Variants in PPARGC1A observed in about 807,000 individuals in gnomAD.
The protein encoded by PPARGC1A is PPARG coactivator 1 alpha.
A neutral mutation model predicts 88.7 loss-of-function variants in PPARGC1A; 25 were observed. The observed-to-expected ratio is 0.28, with a 90% CI of 0.21 to 0.39. PPARGC1A has a LOEUF of 0.39. PPARGC1A is among the 10% of genes least tolerant of loss of function. The pLI, the probability that PPARGC1A is intolerant of heterozygous loss-of-function variation, is 1.00. For missense variants in PPARGC1A, 880 were observed against 968.7 expected (o/e 0.91, Z 1.22); for synonymous variants, 363 against 355.6 (o/e 1.02, Z -0.24).
At chr4:24,251,061 A>T in the PPARGC1A span, among the ~76,000 whole-genome samples, 1 of 152,228 alleles carries the variant, frequency 6.6e-6, no homozygotes, top group Non-Finnish European at 1.5e-5. Flanking sequence ...GTTACTTTTT[A>T]AAACTTTACT....
chr4:24,280,907 G>T, the PPARGC1A span, among the ~76,000 whole-genome samples: 3 of 152,204 alleles, frequency 2.0e-5, no homozygotes, highest in African/African-American at 7.2e-5. Flanking sequence ...CTGGCATGTG[G>T]CAGTCCATGT....
the PPARGC1A span, among the ~76,000 whole-genome samples, chr4:24,338,414 C>T: frequency 6.6e-6 from 1 of 152,218 alleles, no homozygotes; most frequent in South Asian, 2.1e-4. Context: ...TGAAAAAGAA[C>T]ACAACATCAA....
At chr4:23,834,921 A>G (rs1384293879) in intron 2 of PPARGC1A, among the ~76,000 whole-genome samples, 1 of 152,230 alleles carries the variant, frequency 6.6e-6, no homozygotes, top group Non-Finnish European at 1.5e-5. Context: ...TTACACCATT[A>G]TAACTATCTC....
Position 23,828,384 on chromosome 4 carries a change from T to G in PPARGC1A, c.757+16A>C, listed in dbSNP as rs768485322. 3.7e-6 allele frequency: 6 copies of G among 1,606,860 alleles called. No individual in the cohort carries two copies. The African/African-American group carries it at 8.0e-5, about 21-fold the overall frequency. ...CCAGTGCCCTCACCAACAGCTCGTT[T>G]TGGTCCCCAGCCTACCTTGTAAGTG... On this transcript the variant is annotated intron_variant, in intron 5 of 12. Coordinates refer to ENST00000264867, the MANE Select transcript of PPARGC1A (RefSeq NM_013261.5).
the PPARGC1A span, among the ~76,000 whole-genome samples, chr4:24,139,866 T>G: frequency 6.6e-6 from 1 of 152,202 alleles, no homozygotes; most frequent in Non-Finnish European, 1.5e-5. Context: ...AAAGCTCTAG[T>G]CCATTACGGC....
intron 12 of PPARGC1A, 23 bp downstream of exon 12, chr4:23,801,707 T>C: frequency 6.2e-7 from 1 of 1,613,494 alleles, no homozygotes. Flanking sequence ...GATTCCTCAT[T>C]CCACGTACAA....
the PPARGC1A span, among the ~76,000 whole-genome samples, chr4:24,284,978 C>T: frequency 8.6e-5 from 13 of 151,744 alleles, no homozygotes; most frequent in African/African-American, 1.2e-4. Context: ...CAGTGAGCCA[C>T]GATCGGGCCA....
chr4:23,807,950 A>G (rs1720144508), intron 10 of PPARGC1A, among the ~76,000 whole-genome samples: 1 of 152,122 alleles, frequency 6.6e-6, no homozygotes, highest in African/African-American at 2.4e-5. Context: ...TATCTCTTTA[A>G]AGAGGCTTGC....
chr4:24,263,175 G>C, the PPARGC1A span, among the ~76,000 whole-genome samples: 3 of 152,178 alleles, frequency 2.0e-5, no homozygotes, highest in Non-Finnish European at 4.4e-5. Context: ...TAGTAAACAA[G>C]TGACGTAAGA....
At chr4:24,411,961 G>C in the PPARGC1A span, among the ~76,000 whole-genome samples, 1 of 152,198 alleles carries the variant, frequency 6.6e-6, no homozygotes, top group African/African-American at 2.4e-5. Context: ...AGTGAATAAA[G>C]CTGCTATAAA....
the PPARGC1A span, among the ~76,000 whole-genome samples, chr4:24,220,319 T>G: frequency 6.6e-6 from 1 of 152,240 alleles, no homozygotes; most frequent in Non-Finnish European, 1.5e-5. Context: ...GTTTGTAGAT[T>G]TCTCAAAGAA....
chr4:24,013,915 A>C, the PPARGC1A span, among the ~76,000 whole-genome samples: 27 of 152,296 alleles, frequency 1.8e-4, no homozygotes, highest in Middle Eastern at 3.4e-3. Context: ...CATCACACAA[A>C]GGGAAAGGGG....
the PPARGC1A span, among the ~76,000 whole-genome samples, chr4:24,181,092 A>G: frequency 6.6e-6 from 1 of 152,196 alleles, no homozygotes; most frequent in South Asian, 2.1e-4. Context: ...AAATGCCACA[A>G]ACAAGTAAAT....
chr4:24,008,012 A>G, the PPARGC1A span, among the ~76,000 whole-genome samples: 1 of 152,142 alleles, frequency 6.6e-6, no homozygotes, highest in South Asian at 2.1e-4. Context: ...ATACCCAGAG[A>G]ATGAGGTCAG....
the PPARGC1A span, among the ~76,000 whole-genome samples, chr4:24,136,379 T>C: frequency 1.3e-5 from 2 of 152,274 alleles, no homozygotes; most frequent in South Asian, 4.1e-4. Flanking sequence ...AGAGTTACAG[T>C]GTATCACTAA....
At chr4:24,003,897 A>C in the PPARGC1A span, among the ~76,000 whole-genome samples, 1 of 151,874 alleles carries the variant, frequency 6.6e-6, no homozygotes, top group East Asian at 1.9e-4. Flanking sequence ...AACACATACG[A>C]AAGTCCTTTT....
At chr4:23,849,912 G>A (rs1473447054) in intron 2 of PPARGC1A, among the ~76,000 whole-genome samples, 1 of 150,980 alleles carries the variant, frequency 6.6e-6, no homozygotes, top group Non-Finnish European at 1.5e-5. Context: ...AATCCTCGCT[G>A]CACGGTACAG....
the PPARGC1A span, among the ~76,000 whole-genome samples, chr4:24,027,274 A>T: frequency 7.2e-6 from 1 of 139,350 alleles, no homozygotes; most frequent in East Asian, 2.0e-4. Context: ...TGTAATGCCA[A>T]CTCCACCATT....
At chr4:24,208,652 T>C in the PPARGC1A span, among the ~76,000 whole-genome samples, 1 of 138,094 alleles carries the variant, frequency 7.2e-6, no homozygotes, top group Non-Finnish European at 1.5e-5. Context: ...TCATGGAATC[T>C]GCAATCAAAC....
Sources: allele counts gnomAD v4.1 joint callset (sites outside exome capture counted in the v4.1 genomes callset), GRCh38; gene constraint gnomAD v4.1.1; transcripts MANE v1.5; gene names NCBI Gene and HGNC (gene_info 2026-07-23, HGNC 2026-07-21).